Variants in TSPAN15 observed in about 807,000 individuals in gnomAD.
TSPAN15 encodes the protein tetraspanin-15.
TSPAN15 carries 20 observed loss-of-function variants against 34.5 expected under a neutral mutation model. The observed-to-expected ratio is 0.58, with a 90% CI of 0.41 to 0.84. The LOEUF (loss-of-function observed/expected upper bound fraction) is 0.84. Among genes scored for constraint, TSPAN15 ranks in the 40% least tolerant of loss-of-function variants. The probability of loss-of-function intolerance (pLI) is 0.00; values close to 1 mark genes in which losing one functional copy is unlikely to be tolerated. For synonymous variants in TSPAN15, 155 were observed against 153.9 expected (o/e 1.01, Z -0.05); for missense variants, 313 against 386.1 (o/e 0.81, Z 1.59).
chr10:69,454,973 G>A (rs12414706), intron 1 of TSPAN15, among the ~76,000 whole-genome samples: 17,510 of 151,940 alleles, frequency 0.12, 1,013 homozygotes, highest in African/African-American at 0.12. Flanking sequence ...GACCGTCCTG[G>A]CCAACATGGC....
At chr10:69,508,324 C>G (rs1842377524), downstream of TSPAN15, among the ~76,000 whole-genome samples, 1 of 151,458 alleles carries the variant, frequency 6.6e-6, no homozygotes. Context: ...GCCTGTAGTT[C>G]CAGCTACTCA....
intron 1 of TSPAN15, among the ~76,000 whole-genome samples, chr10:69,472,800 A>G (rs1009114643): frequency 6.6e-6 from 1 of 152,212 alleles, no homozygotes; most frequent in Admixed American, 6.5e-5. Context: ...TTGTTTGGCC[A>G]TTGTGAACTG....
intron 3 of TSPAN15, 184 bp from the exon 4 acceptor site, chr10:69,495,408 CGG>C (rs1842057624): frequency 3.4e-6 from 2 of 585,992 alleles, no homozygotes; most frequent in Middle Eastern, 3.8e-4. Flanking sequence ...ACTGGAGGCA[CGG>C]GGAGGATGTG....
At chr10:69,515,925 C>A in the TSPAN15 span, among the ~76,000 whole-genome samples, 1 of 152,338 alleles carries the variant, frequency 6.6e-6, no homozygotes, top group Non-Finnish European at 1.5e-5. Flanking sequence ...TGCTTTCCGC[C>A]CCCTACCCCA....
the TSPAN15 span, among the ~76,000 whole-genome samples, chr10:69,513,246 A>G: frequency 6.6e-6 from 1 of 152,226 alleles, no homozygotes; most frequent in Non-Finnish European, 1.5e-5. Context: ...GCCTTTTGAA[A>G]TATTTTCTTA....
At chr10:69,481,906 C>T in intron 1 of TSPAN15, among the ~76,000 whole-genome samples, 1 of 152,162 alleles carries the variant, frequency 6.6e-6, no homozygotes, top group East Asian at 1.9e-4. Context: ...CTGACTTGAA[C>T]TCAGAGGGTC....
At position 69,473,388 on chromosome 10, in the gene TSPAN15, C is replaced by A. The variant is rs1392708851; in HGVS notation, c.97-10303C>A. ...AGGCAGTGCTGGAGGTGTGTGCCTTCATCAAGGCTGGGGAGGGAAGGCATT... is the reference window on the plus strand; with the variant it reads ...AGGCAGTGCTGGAGGTGTGTGCCTTAATCAAGGCTGGGGAGGGAAGGCATT... On this transcript the variant is annotated intron_variant, in intron 1 of 7. Coordinates refer to ENST00000373290, the MANE Select transcript of TSPAN15 (RefSeq NM_012339.5). 2.0e-5 allele frequency among the ~76,000 whole-genome samples: 3 copies of A among 152,194 alleles called. No homozygotes were observed. The East Asian group carries it at 5.8e-4, about 29-fold the overall frequency.
In TSPAN15 at chr10:69,507,590, C is replaced by T; in HGVS notation, c.*612C>T. 1.5e-6 allele frequency: 2 copies of T among 1,303,742 alleles called. No homozygotes were observed. The highest frequency in any genetic ancestry group is 2.0e-6 in the Non-Finnish European group (2 of 988,876). 80.8% of individuals were successfully genotyped at this position (1,303,742 alleles called of 1,614,324 possible). A position where few individuals can be genotyped will look rare whatever the true frequency, so the allele number is the denominator to read the frequency against. On this transcript the variant is annotated 3_prime_UTR_variant, in exon 8 of 8. Coordinates refer to ENST00000373290, the MANE Select transcript of TSPAN15 (RefSeq NM_012339.5). ...TTCTGACTAATCAAAGCTGGTATTT[C>T]CCCGCATGTCTTATTCTTGCCCTTC...
At chr10:69,466,623 G>A (rs190345031) in intron 1 of TSPAN15, among the ~76,000 whole-genome samples, 1 of 152,138 alleles carries the variant, frequency 6.6e-6, no homozygotes, top group Non-Finnish European at 1.5e-5. Context: ...TGGCCAACCT[G>A]ACCACGTGGA....
At chr10:69,493,490 T>TTTTTA (rs1842011721) in intron 3 of TSPAN15, among the ~76,000 whole-genome samples, 1 of 146,876 alleles carries the variant, frequency 6.8e-6, no homozygotes, top group African/African-American at 2.6e-5. Context: ...TTTTTTTTTT[T>TTTTTA]GAGACAGAGT....
In TSPAN15 at chr10:69,507,294, A is replaced by C; in HGVS notation, c.*316A>C. On this transcript the variant is annotated 3_prime_UTR_variant, in exon 8 of 8. Transcript: ENST00000373290. ...TGAGGCTCTGCTCAGGGCCCATTTCATCTCTGGCAGTGCCTTGGCGGTGGT... is the reference window on the plus strand; with the variant it reads ...TGAGGCTCTGCTCAGGGCCCATTTCCTCTCTGGCAGTGCCTTGGCGGTGGT... 7.8e-7 allele frequency: 1 copy of C among 1,284,568 alleles called. No individual in the cohort carries two copies. The highest frequency in any genetic ancestry group is 9.9e-7 in the Non-Finnish European group (1 of 1,007,238). 79.6% of individuals were successfully genotyped at this position (1,284,568 alleles called of 1,614,324 possible).
At chr10:69,513,911 G>A in the TSPAN15 span, among the ~76,000 whole-genome samples, 1 of 152,210 alleles carries the variant, frequency 6.6e-6, no homozygotes, top group African/African-American at 2.4e-5. Flanking sequence ...TTTACTTCTG[G>A]ATTTCTCACT....
At chr10:69,511,084 G>T (rs898894178), downstream of TSPAN15, among the ~76,000 whole-genome samples, 2 of 152,182 alleles carry the variant, frequency 1.3e-5, no homozygotes, top group Non-Finnish European at 2.9e-5. Context: ...GATGATGCTG[G>T]CCTCATAAAA....
At chr10:69,457,492 T>C (rs546601315) in intron 1 of TSPAN15, among the ~76,000 whole-genome samples, 1 of 152,188 alleles carries the variant, frequency 6.6e-6, no homozygotes, top group African/African-American at 2.4e-5. Context: ...GTGTCATGGC[T>C]GGGGAGTGTT....
intron 5 of TSPAN15, among the ~76,000 whole-genome samples, chr10:69,504,113 C>T (rs1842272554): frequency 6.6e-6 from 1 of 152,180 alleles, no homozygotes; most frequent in Admixed American, 6.5e-5. Flanking sequence ...GTGAGCAAAG[C>T]GGTGCTCTGG....
chr10:69,539,479 AAGG>A, the TSPAN15 span, among the ~76,000 whole-genome samples: 3,606 of 69,786 alleles, frequency 0.052, 128 homozygotes, highest in East Asian at 0.15. Flanking sequence ...GGAGAAGGAG[AAGG>A]AGAAGAAGAA....
the TSPAN15 span, among the ~76,000 whole-genome samples, chr10:69,547,532 TA>T: frequency 2.0e-5 from 3 of 152,224 alleles, no homozygotes; most frequent in African/African-American, 7.2e-5. Context: ...GAAAGTCTTA[TA>T]TTTTTCCCAC....
chr10:69,536,683 C>G, the TSPAN15 span, among the ~76,000 whole-genome samples: 1 of 152,084 alleles, frequency 6.6e-6, no homozygotes, highest in Non-Finnish European at 1.5e-5. Context: ...TCTCTCTCTT[C>G]TTATAAGAAC....
the TSPAN15 span, among the ~76,000 whole-genome samples, chr10:69,538,745 C>T: frequency 6.6e-6 from 1 of 152,202 alleles, no homozygotes; most frequent in African/African-American, 2.4e-5. Context: ...AGTTATTTTC[C>T]CACCTCCAGT....
Sources: gnomAD v4.1 joint callset for allele counts (sites outside exome capture counted in the v4.1 genomes callset) on GRCh38, gnomAD v4.1.1 for gene constraint, MANE v1.5 for transcripts, NCBI Gene and HGNC (gene_info 2026-07-23, HGNC 2026-07-21) for gene names.